LMF1: variants seen among roughly 807,000 people sequenced by gnomAD.
LMF1 encodes transmembrane protein 112.
In LMF1, 68 loss-of-function variants were observed where a neutral mutation model predicts 60.6. That is an observed-to-expected ratio of 1.12 (90% CI 0.92 to 1.37). LMF1 has a LOEUF of 1.37. Among genes scored for constraint, LMF1 ranks in the 40% most tolerant of loss-of-function variants. The probability of loss-of-function intolerance (pLI) is 0.00; values close to 1 mark genes in which losing one functional copy is unlikely to be tolerated. For synonymous variants in LMF1, 418 were observed against 324.7 expected, an observed-to-expected ratio of 1.29 and a Z score of -3.09; for missense variants, 948 against 767.2, an observed-to-expected ratio of 1.24 and a Z score of -2.78.
chr16:976,620 G>A (rs773798691), intron 1 of LMF1: 1 of 454,116 alleles, frequency 2.2e-6, no homozygotes, highest in Admixed American at 2.3e-5. Context: ...GAAGTGCAGA[G>A]AGCAAATGCG....
intron 1 of LMF1, among the ~76,000 whole-genome samples, chr16:978,261 TAC>T (rs994781285): frequency 6.9e-6 from 1 of 145,184 alleles, no homozygotes; most frequent in African/African-American, 2.6e-5. Flanking sequence ...ACACGCACCA[TAC>T]ACACTATACA....
chr16:870,773 G>GT lies in LMF1; in HGVS notation c.1187dup (p.His396GlnfsTer52). On this transcript the variant is annotated frameshift_variant, in exon 8 of 11. Transcript: ENST00000262301. LOFTEE classifies it high-confidence loss of function. The stretch of plus-strand genomic sequence containing the variant: ...TGTTGACGATGTGAAGAGAGTTGAA[G>GT]TGGGTGTTCATGACCTGCCTGGAGC... The GT allele has an allele frequency of 6.2e-7, 1 of 1,613,080 alleles. No homozygotes were observed. The highest frequency in any genetic ancestry group is 1.1e-5 in the South Asian group (1 of 91,086).
intron 10 of LMF1, among the ~76,000 whole-genome samples, chr16:861,389 ACT>A (rs1281502842): frequency 8.8e-6 from 1 of 114,118 alleles, no homozygotes; most frequent in African/African-American, 3.5e-5. Flanking sequence ...ATGGAGTTTC[ACT>A]CTGTCGCCCA....
At chr16:880,083 G>A (rs994423306) in intron 5 of LMF1, among the ~76,000 whole-genome samples, 4 of 152,216 alleles carry the variant, frequency 2.6e-5, no homozygotes, top group African/African-American at 4.8e-5. Context: ...AGAACGCGCC[G>A]CCTGCTGCCC....
chr16:920,006 G>C (rs1313659054), intron 3 of LMF1, among the ~76,000 whole-genome samples: 1 of 152,154 alleles, frequency 6.6e-6, no homozygotes, highest in East Asian at 1.9e-4. Flanking sequence ...GCCCCAGCCT[G>C]TCGGCCCCCA....
chr16:855,120 G>C, intron 10 of LMF1: 1 of 297,928 alleles, frequency 3.4e-6, no homozygotes, highest in South Asian at 3.4e-5. Flanking sequence ...TCATGGTGTG[G>C]CGTCTCCACC....
intron 5 of LMF1, among the ~76,000 whole-genome samples, chr16:882,782 C>G (rs548366991): frequency 4.1e-5 from 6 of 145,376 alleles, no homozygotes; most frequent in Non-Finnish European, 9.0e-5. Flanking sequence ...CGGGGCCCAT[C>G]GCAGGACCAG....
intron 6 of LMF1, among the ~76,000 whole-genome samples, chr16:879,271 G>C (rs761083540): frequency 3.3e-5 from 5 of 152,188 alleles, no homozygotes; most frequent in Non-Finnish European, 7.3e-5. Flanking sequence ...GGGCCTTGGC[G>C]TGCTGACCCC....
At chr16:974,152 G>C (rs1021397115), upstream of LMF1, among the ~76,000 whole-genome samples, 5 of 152,184 alleles carry the variant, frequency 3.3e-5, no homozygotes, top group Admixed American at 3.3e-4. Context: ...TCTATATTAA[G>C]GCGCATCTAG....
chr16:962,893 T>C lies in LMF1; in HGVS notation c.193+7895A>G, dbSNP rs1380159033. Among the ~76,000 whole-genome samples, 1 of 152,178 alleles carries C rather than the reference T, an allele frequency of 6.6e-6. No homozygotes were observed. Among genetic ancestry groups the C allele is most frequent in the Non-Finnish European group, 1.5e-5 (1 of 68,034 alleles). On this transcript the variant is annotated intron_variant, in intron 1 of 10. Transcript: ENST00000262301. The surrounding 1 kb of genome is among the most constrained non-coding windows in gnomAD (Gnocchi z 4.5). ...ACTCAGTGCCCGGCATGAAGCGCTG[T>C]GAGCAGCCTCCCTCCAAGGCAGTGG...
At chr16:877,781 C>T (rs2070035526) in intron 6 of LMF1, among the ~76,000 whole-genome samples, 1 of 151,562 alleles carries the variant, frequency 6.6e-6, no homozygotes, top group African/African-American at 2.4e-5. Flanking sequence ...GGCAGAATCC[C>T]TAGATCACCC....
intron 5 of LMF1, among the ~76,000 whole-genome samples, chr16:880,216 TG>T (rs1394365688): frequency 1.3e-5 from 2 of 152,022 alleles, no homozygotes; most frequent in Non-Finnish European, 2.9e-5. Context: ...CCAGCAGGAA[TG>T]GGGCCCGGGT....
At chr16:942,590 G>A (rs4984731) in intron 2 of LMF1, among the ~76,000 whole-genome samples, 5 of 100,676 alleles carry the variant, frequency 5.0e-5, no homozygotes, top group East Asian at 2.7e-4. Flanking sequence ...TTAGCCCACC[G>A]GGTGCTACGT....
At chr16:871,559 C>T (rs932417622) in intron 6 of LMF1, 3 of 589,232 alleles carry the variant, frequency 5.1e-6, no homozygotes, top group East Asian at 2.8e-5. Flanking sequence ...GCTTCCAGAA[C>T]ATTCCTCCCA....
At chr16:968,127 A>G (rs2072963915) in intron 1 of LMF1, among the ~76,000 whole-genome samples, 3 of 152,186 alleles carry the variant, frequency 2.0e-5, no homozygotes, top group African/African-American at 7.2e-5. Context: ...CGGTGGCAGC[A>G]CATGGAAACG....
At chr16:913,596 C>T (rs1293358692) in intron 3 of LMF1, among the ~76,000 whole-genome samples, 2 of 152,240 alleles carry the variant, frequency 1.3e-5, no homozygotes, top group African/African-American at 4.8e-5. Context: ...GCTGCCCTCC[C>T]CCTCAGGATT....
upstream of LMF1, among the ~76,000 whole-genome samples, chr16:974,158 T>A (rs2073093288): frequency 6.6e-6 from 1 of 152,216 alleles, no homozygotes; most frequent in Admixed American, 6.5e-5. Context: ...TTAAGGCGCA[T>A]CTAGCAGTTT....
At chr16:981,113 G>C (rs945785559) in intron 1 of LMF1, 6 of 412,282 alleles carry the variant, frequency 1.5e-5, no homozygotes, top group Non-Finnish European at 3.0e-5. Flanking sequence ...GGGTCCCCCA[G>C]CTCCGAGCCG....
chr16:931,089 C>T (rs527592104), intron 3 of LMF1, among the ~76,000 whole-genome samples: 100 of 152,140 alleles, frequency 6.6e-4, no homozygotes, highest in Non-Finnish European at 1.2e-3. Context: ...CCACTGCTCT[C>T]CAGCCTGGGC....
Sources: allele counts gnomAD v4.1 joint callset (sites outside exome capture counted in the v4.1 genomes callset), GRCh38; gene constraint gnomAD v4.1.1; non-coding constraint Gnocchi (gnomAD v3.1); transcripts MANE v1.5; gene names NCBI Gene and HGNC (gene_info 2026-07-23, HGNC 2026-07-21).